Variants in TOR1A observed in about 807,000 individuals in gnomAD.
TOR1A encodes torsin-1A.
Under a neutral mutation model 31.4 loss-of-function variants are expected in TOR1A, and 18 were observed. That is an observed-to-expected ratio of 0.57 (90% CI 0.40 to 0.85). The LOEUF (loss-of-function observed/expected upper bound fraction) is 0.85, where lower values mean the gene tolerates loss of function less well. Ranked by LOEUF, TOR1A falls within the 40% of genes least tolerant of loss-of-function variation. TOR1A has a pLI of 0.00. For synonymous variants in TOR1A, 168 were observed against 165.9 expected (o/e 1.01, Z -0.10); for missense variants, 375 against 416.4 (o/e 0.90, Z 0.87).
Position 129,814,025 on chromosome 9 carries a change from C to CT in TOR1A, c.945dup (p.Asp316ArgfsTer2). 1 of 1,614,184 alleles carries CT rather than the reference C, an allele frequency of 6.2e-7. No homozygotes were observed. The highest frequency in any genetic ancestry group is 8.5e-7 in the Non-Finnish European group (1 of 1,180,026). ...GTGAACACCGTTTTGCAGCCTTTAT[C>CT]TGAGAAAACTCTCTCCTCTTTGGGG... On this transcript the variant is annotated frameshift_variant, in exon 5 of 5. Transcript: ENST00000351698. LOFTEE classifies it high-confidence loss of function.
At chr9:129,823,172 T>C in intron 1 of TOR1A, 3 of 416,050 alleles carry the variant, frequency 7.2e-6, no homozygotes, top group South Asian at 6.4e-5. Context: ...GGAAACAGTT[T>C]GGTCCCTCCT....
chr9:129,822,745 T>C lies in TOR1A; in HGVS notation c.280A>G (p.Lys94Glu), dbSNP rs753059481. 1 of 1,614,224 alleles carries C rather than the reference T, an allele frequency of 6.2e-7. No homozygotes were observed. Among genetic ancestry groups the C allele is most frequent in the Admixed American group, 1.7e-5 (1 of 60,026 alleles). ...CCGTGCAGGGAGAGCGTGAGAGGTT[T>C]CTTGGGCTTTGGGTTGTTTATGAAA... ...FGFINNPKPK[K>E]PLTLSLHGWT... is the part of the protein sequence containing the mutation. Residue 94 changes from lysine (K) to glutamate (E), a missense_variant, in exon 2 of 5, where the codon AAA (lysine) becomes GAA (glutamate). Transcript: ENST00000351698.
intron 2 of TOR1A, among the ~76,000 whole-genome samples, chr9:129,819,699 G>A (rs962994571): frequency 3.3e-5 from 5 of 151,358 alleles, no homozygotes; most frequent in South Asian, 2.1e-4. Context: ...CGGAGGTTGC[G>A]GTGAGCCAAG....
At chr9:129,817,838 C>CAAAAA (rs760010551) in intron 4 of TOR1A, among the ~76,000 whole-genome samples, 3 of 45,746 alleles carry the variant, frequency 6.6e-5, no homozygotes, top group Admixed American at 2.7e-4. Flanking sequence ...CAGTCTCTAC[C>CAAAAA]AAAAAAAAAA....
At position 129,814,037 on chromosome 9, in the gene TOR1A, T is replaced by C. The variant is rs1564182001; in HGVS notation, c.934A>G (p.Arg312Gly). 3.1e-6 allele frequency: 5 copies of C among 1,614,164 alleles called. No individual in the cohort carries two copies. The highest frequency in any genetic ancestry group is 4.2e-6 in the Non-Finnish European group (5 of 1,180,004). ...TTGCAGCCTTTATCTGAGAAAACTC[T>C]CTCCTCTTTGGGGAAAAATGTCATC... ...EEMTFFPKEE[R>G]VFSDKGCKTV... The change falls in exon 5 of 5, where the codon AGA (arginine) becomes GGA (glycine). Residue 312 changes from arginine to glycine, a missense_variant. By Grantham distance (125) the Arg-to-Gly change is moderately radical. Coordinates refer to ENST00000351698, the MANE Select transcript of TOR1A (RefSeq NM_000113.3).
At chr9:129,816,403 G>C (rs1198475292) in intron 4 of TOR1A, among the ~76,000 whole-genome samples, 1 of 152,098 alleles carries the variant, frequency 6.6e-6, no homozygotes, top group African/African-American at 2.4e-5. Flanking sequence ...GTGTACATGT[G>C]CGATGTGTGC....
At chr9:129,822,111 C>A in intron 2 of TOR1A, 1 of 242,168 alleles carries the variant, frequency 4.1e-6, no homozygotes, top group South Asian at 4.4e-5. Context: ...ACTAAAAATA[C>A]AAAAATTAGC....
chr9:129,814,938 C>G (rs1453719876), intron 4 of TOR1A, among the ~76,000 whole-genome samples: 1 of 152,146 alleles, frequency 6.6e-6, no homozygotes, highest in Non-Finnish European at 1.5e-5. Flanking sequence ...GATGTGCAGC[C>G]CACGCTGGGC....
rs762832083 is a variant in TOR1A, at chr9:129,813,954, G to A, written c.*18C>T. On this transcript the variant is annotated 3_prime_UTR_variant, in exon 5 of 5. Transcript: ENST00000351698. The stretch of plus-strand genomic sequence containing the variant: ...TTTTCCAACTCCAGGCAGTGACTCC[G>A]GCTGCCAATCATGACTGTCAATCAT... 2.2e-5 allele frequency: 35 copies of A among 1,613,304 alleles called. No individual in the cohort carries two copies. Among genetic ancestry groups the A allele is most frequent in the South Asian group, 3.3e-5 (3 of 91,088 alleles).
chr9:129,818,436 T>C (rs1281286965), intron 4 of TOR1A, 84 bp downstream of exon 4: 4 of 1,597,492 alleles, frequency 2.5e-6, no homozygotes, highest in South Asian at 2.2e-5. Context: ...TCCCAGGTGA[T>C]GCTGACAGTG....
chr9:129,814,083 A>C lies in TOR1A; in HGVS notation c.888T>G (p.Ile296Met). Residue 296 changes from isoleucine (I) to methionine (M), a missense_variant, in exon 5 of 5, where the codon ATT becomes ATG. By Grantham distance (10) the Ile-to-Met change is conservative (BLOSUM62 1). Transcript: ENST00000351698. The stretch of plus-strand genomic sequence containing the variant: ...TCATCTCCTCAGCCACTCTGCTTAC[A>C]ATGTCTTCATCAATTTCATAGCCTC... Reference protein sequence around the residue: ...QSRGYEIDEDIVSRVAEEMTF... With the variant: ...QSRGYEIDEDMVSRVAEEMTF... 6.2e-7 allele frequency: 1 copy of C among 1,614,138 alleles called. No homozygotes were observed. The highest frequency in any genetic ancestry group is 8.5e-7 in the Non-Finnish European group (1 of 1,180,012).
chr9:129,823,272 G>A, intron 1 of TOR1A: 1 of 324,488 alleles, frequency 3.1e-6, no homozygotes, highest in Non-Finnish European at 6.0e-6. Flanking sequence ...GGTTACCACT[G>A]GTCCACCCCC....
chr9:129,813,616 T>C lies in TOR1A; in HGVS notation c.*356A>G. 5 of 375,372 alleles carry C rather than the reference T, an allele frequency of 1.3e-5. No homozygotes were observed. Among genetic ancestry groups the C allele is most frequent in the South Asian group, 1.2e-4 (5 of 41,082 alleles). 23.3% of individuals were successfully genotyped at this position (375,372 alleles called of 1,614,324 possible). ...CAGTCTCTCATAATGTTAAAAATCA[T>C]TTTAAATAAAGTTACCACATTTTCA... On this transcript the variant is annotated 3_prime_UTR_variant, in exon 5 of 5. Coordinates refer to ENST00000351698, the MANE Select transcript of TOR1A (RefSeq NM_000113.3).
chr9:129,823,978 G>C lies in TOR1A; in HGVS notation c.108C>G (p.Gly36=). The part of the protein sequence containing the change: ...LGLALAGVLT[G]YIYPRLYCLF... ...GGCAGTAGAGACGCGGGTAGATGTA[G>C]CCGGTGAGGACGCCGGCCAGGGCCA... Residue 36 remains glycine, a synonymous_variant, in exon 1 of 5, where the codon GGC becomes GGG. Coordinates refer to ENST00000351698, the MANE Select transcript of TOR1A (RefSeq NM_000113.3). 1 of 1,611,272 alleles carries C rather than the reference G, an allele frequency of 6.2e-7. No individual in the cohort carries two copies. Among genetic ancestry groups the C allele is most frequent in the Non-Finnish European group, 8.5e-7 (1 of 1,179,506 alleles).
chr9:129,817,348 T>C (rs1435533994), intron 4 of TOR1A, among the ~76,000 whole-genome samples: 1 of 152,290 alleles, frequency 6.6e-6, no homozygotes, highest in African/African-American at 2.4e-5. Context: ...GCCCACGGCA[T>C]CCTTCCTTGC....
chr9:129,813,570 G>A lies in TOR1A; in HGVS notation c.*402C>T, dbSNP rs2030950714. 2 of 303,002 alleles carry A rather than the reference G, an allele frequency of 6.6e-6. No individual in the cohort carries two copies. The highest frequency in any genetic ancestry group is 6.4e-6 in the Non-Finnish European group (1 of 157,110). 18.8% of individuals were successfully genotyped at this position (303,002 alleles called of 1,614,324 possible). ...ACTTAAAAAAAAACACACACACAAG[G>A]CCAACAACTTAGAATCTGAGCAGTC... On this transcript the variant is annotated 3_prime_UTR_variant, in exon 5 of 5. Transcript: ENST00000351698.
rs749506176 is a variant in TOR1A at position 129,818,665 on chromosome 9, T to C, written c.621-18A>G. On this transcript the variant is annotated intron_variant, in intron 3 of 4. Coordinates refer to ENST00000351698, the MANE Select transcript of TOR1A (RefSeq NM_000113.3). ...CAGCATTGCTGCAAAACAATCCCAG[T>C]GGGTAAGGACAGGGTTTTCTCCTGG... 73 of 1,614,078 alleles carry C rather than the reference T, an allele frequency of 4.5e-5. No individual in the cohort carries two copies. Among genetic ancestry groups the C allele is most frequent in the Non-Finnish European group, 5.8e-5 (69 of 1,180,040 alleles).
At chr9:129,814,340 C>T (rs2030977976) in intron 4 of TOR1A, 118 bp from the exon 5 acceptor site, 1 of 1,486,834 alleles carries the variant, frequency 6.7e-7, no homozygotes, top group Non-Finnish European at 9.2e-7. Flanking sequence ...TGGGGGTCAC[C>T]TATCCATGCC....
chr9:129,822,979 G>A lies in TOR1A; in HGVS notation c.179-133C>T, dbSNP rs919423505. 4.6e-6 allele frequency: 6 copies of A among 1,291,928 alleles called. No individual in the cohort carries two copies. In the East Asian group the frequency reaches 1.2e-4, roughly 26 times the overall value. 80.0% of individuals were successfully genotyped at this position (1,291,928 alleles called of 1,614,324 possible). A position where few individuals can be genotyped will look rare whatever the true frequency, so the allele number is the denominator to read the frequency against. On this transcript the variant is annotated intron_variant, in intron 1 of 4. Transcript: ENST00000351698. ...ACCTTGCGAAACCTCAAGTACTGCG[G>A]TCTGTAAGCTCCTGGCCCAGAGGGG...
Sources: gnomAD v4.1 joint callset for allele counts (sites outside exome capture counted in the v4.1 genomes callset) on GRCh38, gnomAD v4.1.1 for gene constraint, MANE v1.5 for transcripts, NCBI Gene and HGNC (gene_info 2026-07-23, HGNC 2026-07-21) for gene names.